GMDS: variants seen among roughly 807,000 people sequenced by gnomAD.
GMDS encodes the protein GDP-mannose 4,6-dehydratase.
Under a neutral mutation model 49.9 loss-of-function variants are expected in GMDS, and 20 were observed. The ratio of observed to expected loss-of-function variants is 0.40; its 90% CI spans 0.28 to 0.58. The LOEUF is 0.58. GMDS is among the 20% of genes least tolerant of loss of function. The pLI is 0.42. For synonymous variants in GMDS, 177 were observed against 178.6 expected (o/e 0.99, Z 0.07); for missense variants, 362 against 481.4 (o/e 0.75, Z 2.32).
intron 1 of GMDS, among the ~76,000 whole-genome samples, chr6:2,200,521 G>A (rs1456825900): frequency 1.3e-5 from 2 of 149,420 alleles, no homozygotes; most frequent in Non-Finnish European, 3.0e-5. Flanking sequence ...CAACTAGGCA[G>A]TGAGGGCATC....
At chr6:1,697,079 G>C (rs1485703922) in intron 9 of GMDS, among the ~76,000 whole-genome samples, 1 of 152,198 alleles carries the variant, frequency 6.6e-6, no homozygotes, top group Non-Finnish European at 1.5e-5. Flanking sequence ...CAGCCCATGC[G>C]TTACTTCAGA....
chr6:1,946,072 A>C, intron 6 of GMDS, among the ~76,000 whole-genome samples: 1 of 152,256 alleles, frequency 6.6e-6, no homozygotes. Flanking sequence ...ATTTTACTTC[A>C]TCACTTCCTT....
chr6:2,006,507 G>C (rs1767186959), intron 4 of GMDS, among the ~76,000 whole-genome samples: 1 of 151,910 alleles, frequency 6.6e-6, no homozygotes, highest in Non-Finnish European at 1.5e-5. Context: ...AAAAGCGCTG[G>C]GTTCTAAATC....
At chr6:1,737,739 C>G (rs1267116370) in intron 8 of GMDS, among the ~76,000 whole-genome samples, 5 of 123,458 alleles carry the variant, frequency 4.0e-5, no homozygotes, top group African/African-American at 1.4e-4. Flanking sequence ...CACACACACA[C>G]ATACACATAC....
intron 7 of GMDS, among the ~76,000 whole-genome samples, chr6:1,796,246 T>C (rs1245252303): frequency 3.3e-5 from 5 of 152,100 alleles, no homozygotes; most frequent in Non-Finnish European, 7.4e-5. Context: ...TCTGTAGTCA[T>C]TAAATCTTAG....
intron 6 of GMDS, among the ~76,000 whole-genome samples, chr6:1,952,380 G>A (rs931426332): frequency 6.6e-6 from 1 of 152,134 alleles, no homozygotes; most frequent in Non-Finnish European, 1.5e-5. Context: ...AAATGTCTCT[G>A]AAAGTACCTG....
rs57539660 is a variant in GMDS at position 2,043,752 on chromosome 6, T to C, written c.345+72019A>G. ...AGCTTCTGCACAGCAAAATAAACTATCAACAGAGTAGACAGACAAACTTAC... is the reference window on the plus strand; with the variant it reads ...AGCTTCTGCACAGCAAAATAAACTACCAACAGAGTAGACAGACAAACTTAC... On this transcript the variant is annotated intron_variant, in intron 4 of 10. Coordinates refer to ENST00000380815, the MANE Select transcript of GMDS (RefSeq NM_001500.4). 4.7e-3 allele frequency among the ~76,000 whole-genome samples: 712 copies of C among 152,248 alleles called. 6 individuals carry two copies. The highest frequency in any genetic ancestry group is 0.016 in the African/African-American group (685 of 41,538).
intron 6 of GMDS, among the ~76,000 whole-genome samples, chr6:1,957,092 C>T (rs915739595): frequency 6.6e-5 from 10 of 152,242 alleles, no homozygotes; most frequent in Non-Finnish European, 1.3e-4. Flanking sequence ...CATGAGCCAT[C>T]GCGCCCGGCC....
rs375160838 is a variant in GMDS, at chr6:2,065,739, C to T, written c.345+50032G>A. ...TTAGAGAAAAAAGAATAAAAAGAAA[C>T]GAGCAAAGCCTCCAAGAAATATGGG... is the stretch of plus-strand genomic sequence containing the variant. On this transcript the variant is annotated intron_variant, in intron 4 of 10. Coordinates refer to ENST00000380815, the MANE Select transcript of GMDS (RefSeq NM_001500.4). Among the ~76,000 whole-genome samples, 594 of 152,116 alleles carry T rather than the reference C, an allele frequency of 3.9e-3. 1 individual carries two copies. Among genetic ancestry groups the T allele is most frequent in the African/African-American group, 9.1e-3 (378 of 41,494 alleles).
At chr6:1,739,247 C>T (rs894002012) in intron 8 of GMDS, among the ~76,000 whole-genome samples, 5 of 152,228 alleles carry the variant, frequency 3.3e-5, no homozygotes, top group Admixed American at 1.3e-4. Context: ...CTGCTACTCC[C>T]TTGCTGTGTG....
intron 4 of GMDS, among the ~76,000 whole-genome samples, chr6:1,986,774 C>G (rs1403290215): frequency 1.3e-5 from 2 of 152,102 alleles, no homozygotes; most frequent in Non-Finnish European, 2.9e-5. Context: ...GGGGAGCTGT[C>G]AGGGATATTT....
At chr6:1,978,865 T>C (rs565167815) in intron 4 of GMDS, among the ~76,000 whole-genome samples, 2 of 152,298 alleles carry the variant, frequency 1.3e-5, no homozygotes, top group East Asian at 3.9e-4. Context: ...AATAGGTCAG[T>C]ACCCTTGTGG....
intron 7 of GMDS, among the ~76,000 whole-genome samples, chr6:1,763,555 G>A (rs1768238660): frequency 6.6e-6 from 1 of 152,184 alleles, no homozygotes; most frequent in Non-Finnish European, 1.5e-5. Context: ...TGAACATGAT[G>A]GATGGTATGA....
intron 8 of GMDS, among the ~76,000 whole-genome samples, chr6:1,727,394 C>T (rs1216948278): frequency 6.6e-6 from 1 of 152,062 alleles, no homozygotes; most frequent in Admixed American, 6.5e-5. Context: ...TATAATATTA[C>T]AGAATTTGGG....
chr6:2,178,057 T>C (rs566302067), intron 1 of GMDS, among the ~76,000 whole-genome samples: 141 of 152,192 alleles, frequency 9.3e-4, no homozygotes, highest in Non-Finnish European at 1.7e-3. Flanking sequence ...ATCCCACATA[T>C]TTTCACATAT....
At chr6:2,165,322 GT>G (rs1288645820) in intron 1 of GMDS, among the ~76,000 whole-genome samples, 4 of 152,228 alleles carry the variant, frequency 2.6e-5, no homozygotes, top group African/African-American at 9.7e-5. Context: ...CCTTGGTATA[GT>G]TCCTGTCTGA....
chr6:2,213,206 A>G (rs1307599586), intron 1 of GMDS, among the ~76,000 whole-genome samples: 1 of 152,204 alleles, frequency 6.6e-6, no homozygotes, highest in East Asian at 1.9e-4. Flanking sequence ...GCCTTTTTAG[A>G]CTGTCCTGAC....
At chr6:1,700,069 C>T (rs146373753) in intron 9 of GMDS, among the ~76,000 whole-genome samples, 156 of 152,262 alleles carry the variant, frequency 1.0e-3, no homozygotes, top group African/African-American at 3.5e-3. Context: ...AGAACCACCC[C>T]CTCCGCACCG....
intron 7 of GMDS, among the ~76,000 whole-genome samples, chr6:1,850,641 AG>A (rs1354880823): frequency 6.6e-6 from 1 of 152,228 alleles, no homozygotes; most frequent in Non-Finnish European, 1.5e-5. Context: ...AAAAGGGAAC[AG>A]GGTCAAACGA....
Sources: gnomAD v4.1 joint callset for allele counts (sites outside exome capture counted in the v4.1 genomes callset) on GRCh38, gnomAD v4.1.1 for gene constraint, MANE v1.5 for transcripts, NCBI Gene and HGNC (gene_info 2026-07-23, HGNC 2026-07-21) for gene names.